SH3PXD2A: variants seen among roughly 807,000 people sequenced by gnomAD.
SH3PXD2A encodes the protein SH3 and PX domains 2A.
A neutral mutation model predicts 115.2 loss-of-function variants in SH3PXD2A; 32 were observed. The ratio of observed to expected loss-of-function variants is 0.28; its 90% CI spans 0.21 to 0.37. SH3PXD2A has a LOEUF of 0.37. Among genes scored for constraint, SH3PXD2A ranks in the 10% least tolerant of loss-of-function variants. SH3PXD2A has a pLI of 1.00. For missense variants in SH3PXD2A, 1,328 were observed against 1,498.7 expected (o/e 0.89, Z 1.88); for synonymous variants, 610 against 629.1 (o/e 0.97, Z 0.45).
intron 2 of SH3PXD2A, among the ~76,000 whole-genome samples, chr10:103,792,658 G>A (rs1417182526): frequency 6.6e-6 from 1 of 152,176 alleles, no homozygotes; most frequent in Non-Finnish European, 1.5e-5. Context: ...CGCTGGGGCT[G>A]GTCTTGAAAC....
chr10:103,784,195 T>C lies in SH3PXD2A; in HGVS notation c.154-17026A>G, dbSNP rs56178307. ...GCTGCTCGGGGGTTGCTGGGGCACC[T>C]GTGTGCAGGCCTGCCCTTTTCCAGG... is the stretch of plus-strand genomic sequence containing the variant. On this transcript the variant is annotated intron_variant, in intron 2 of 14. Transcript: ENST00000369774. The surrounding 1 kb of genome is among the most constrained non-coding windows in gnomAD (Gnocchi z 4.4). 0.048 allele frequency among the ~76,000 whole-genome samples: 7,262 copies of C among 152,306 alleles called. 212 individuals carry two copies. The highest frequency in any genetic ancestry group is 0.11 in the South Asian group (532 of 4,820).
At chr10:103,614,378 T>C (rs1224477745) in intron 11 of SH3PXD2A, among the ~76,000 whole-genome samples, 6 of 151,740 alleles carry the variant, frequency 4.0e-5, no homozygotes, top group African/African-American at 1.5e-4. Context: ...ATGTTGGGGG[T>C]TGAGAAAATC....
intron 1 of SH3PXD2A, among the ~76,000 whole-genome samples, chr10:103,852,537 G>A (rs1026348561): frequency 6.6e-6 from 1 of 152,222 alleles, no homozygotes; most frequent in Non-Finnish European, 1.5e-5. Flanking sequence ...GCTGGAAGGA[G>A]GCTTGCTCCT....
chr10:103,610,520 C>A (rs1277756440), intron 13 of SH3PXD2A, among the ~76,000 whole-genome samples: 1 of 152,160 alleles, frequency 6.6e-6, no homozygotes, highest in Non-Finnish European at 1.5e-5. Flanking sequence ...GGTCTCATCT[C>A]CAGGGATGAA....
intron 1 of SH3PXD2A, among the ~76,000 whole-genome samples, chr10:103,801,568 T>TAC (rs1564892565): frequency 1.5e-5 from 2 of 131,666 alleles, no homozygotes; most frequent in South Asian, 4.5e-4. Context: ...CACACACACA[T>TAC]ACCCCTAGAG....
At chr10:103,681,772 G>GTA in intron 6 of SH3PXD2A, among the ~76,000 whole-genome samples, 1 of 151,748 alleles carries the variant, frequency 6.6e-6, no homozygotes, top group South Asian at 2.1e-4. Flanking sequence ...GCGCGCGCGC[G>GTA]CACACACACA....
rs142390222 is a variant in SH3PXD2A at position 103,734,303 on chromosome 10, C to T, written c.306+1429G>A. On this transcript the variant is annotated intron_variant, in intron 4 of 14. Coordinates refer to ENST00000369774, the MANE Select transcript of SH3PXD2A (RefSeq NM_001394015.1). ...AACCACAGTGGGTTTCATTTAACTACGAAATTCTAGCTCTATTAAAGCCAA... is the reference window on the plus strand; with the variant it reads ...AACCACAGTGGGTTTCATTTAACTATGAAATTCTAGCTCTATTAAAGCCAA... 3.3e-3 allele frequency among the ~76,000 whole-genome samples: 505 copies of T among 152,246 alleles called. 1 individual carries two copies. Among genetic ancestry groups the T allele is most frequent in the Middle Eastern group, 0.014 (4 of 294 alleles).
chr10:103,660,356 C>G (rs1036314751), intron 8 of SH3PXD2A, among the ~76,000 whole-genome samples: 1 of 152,196 alleles, frequency 6.6e-6, no homozygotes, highest in African/African-American at 2.4e-5. Context: ...CCAGCTGCCC[C>G]GGGCAGCTGT....
chr10:103,839,323 A>G (rs895848754), intron 1 of SH3PXD2A, among the ~76,000 whole-genome samples: 3 of 152,224 alleles, frequency 2.0e-5, no homozygotes, highest in Non-Finnish European at 2.9e-5. Flanking sequence ...TCAGGAGAAC[A>G]GCAATTGTGT....
chr10:103,776,653 G>T (rs1388459298), intron 2 of SH3PXD2A, among the ~76,000 whole-genome samples: 1 of 152,186 alleles, frequency 6.6e-6, no homozygotes, highest in East Asian at 1.9e-4. Context: ...TAGCTTCAGG[G>T]ATGTAAGTCA....
chr10:103,849,801 C>T (rs780650221), intron 1 of SH3PXD2A, among the ~76,000 whole-genome samples: 1 of 152,178 alleles, frequency 6.6e-6, no homozygotes, highest in Non-Finnish European at 1.5e-5. Context: ...AGAATCTCCA[C>T]CTCATTTCCC....
chr10:103,615,082 C>A (rs2036488924), intron 11 of SH3PXD2A, among the ~76,000 whole-genome samples: 1 of 152,196 alleles, frequency 6.6e-6, no homozygotes, highest in Admixed American at 6.5e-5. Context: ...AATACCTAAT[C>A]TTATGTGAGC....
intron 12 of SH3PXD2A, 39 bp from the exon 13 acceptor site, chr10:103,611,669 C>T (rs147980736): frequency 3.9e-5 from 60 of 1,550,976 alleles, no homozygotes; most frequent in African/African-American, 3.0e-4. Context: ...CCTAGTCAGA[C>T]GATGGGCAAC....
At chr10:103,747,716 C>T (rs1049841852) in intron 3 of SH3PXD2A, among the ~76,000 whole-genome samples, 1 of 152,188 alleles carries the variant, frequency 6.6e-6, no homozygotes, top group Non-Finnish European at 1.5e-5. Flanking sequence ...GTAAAGGGCC[C>T]AAAACCACAG....
intron 1 of SH3PXD2A, among the ~76,000 whole-genome samples, chr10:103,829,893 A>T (rs1229881424): frequency 6.6e-6 from 1 of 152,284 alleles, no homozygotes; most frequent in African/African-American, 2.4e-5. Flanking sequence ...AAATAAGACC[A>T]ACTTATTTCC....
At chr10:103,757,073 GAC>G (rs1295516443) in intron 3 of SH3PXD2A, among the ~76,000 whole-genome samples, 1 of 152,208 alleles carries the variant, frequency 6.6e-6, no homozygotes, top group Non-Finnish European at 1.5e-5. Context: ...CAACCCTGGG[GAC>G]ACCAGGGTAT....
At chr10:103,807,188 G>T (rs551574698) in intron 1 of SH3PXD2A, among the ~76,000 whole-genome samples, 2 of 152,300 alleles carry the variant, frequency 1.3e-5, no homozygotes, top group Non-Finnish European at 2.9e-5. Context: ...TCCATGATTT[G>T]ATCTGGTCTG....
At chr10:103,630,100 C>T (rs924024146) in intron 8 of SH3PXD2A, among the ~76,000 whole-genome samples, 1 of 152,262 alleles carries the variant, frequency 6.6e-6, no homozygotes, top group African/African-American at 2.4e-5. Context: ...GCATGGAGCA[C>T]TGAGAGGGCT....
intron 2 of SH3PXD2A, among the ~76,000 whole-genome samples, chr10:103,796,698 T>A (rs2039092765): frequency 6.6e-6 from 1 of 152,160 alleles, no homozygotes; most frequent in Non-Finnish European, 1.5e-5. Context: ...CAGCCTGGAC[T>A]CTCATCTTTC....
Sources: allele counts gnomAD v4.1 joint callset (sites outside exome capture counted in the v4.1 genomes callset), GRCh38; gene constraint gnomAD v4.1.1; non-coding constraint Gnocchi (gnomAD v3.1); transcripts MANE v1.5; gene names NCBI Gene and HGNC (gene_info 2026-07-23, HGNC 2026-07-21).